The following MAGI3 variants were observed in gnomAD, a reference collection of about 807,000 sequenced individuals.
MAGI3 encodes the protein membrane associated guanylate kinase, WW and PDZ domain containing 3, also known as membrane-associated guanylate kinase, WW and PDZ domain-containing protein 3.
Under a neutral mutation model 121.8 loss-of-function variants are expected in MAGI3, and 43 were observed. The ratio of observed to expected loss-of-function variants is 0.35; its 90% CI spans 0.28 to 0.46. The LOEUF is 0.46. MAGI3 is among the 20% of genes least tolerant of loss of function. MAGI3 has a pLI of 1.00. For missense variants in MAGI3, 1,547 were observed against 1,797.3 expected, an observed-to-expected ratio of 0.86 and a Z score of 2.52; for synonymous variants, 553 against 639.3, an observed-to-expected ratio of 0.86 and a Z score of 2.04.
intron 1 of MAGI3, among the ~76,000 whole-genome samples, chr1:113,547,182 A>G (rs1361513501): frequency 6.6e-6 from 1 of 151,742 alleles, no homozygotes; most frequent in Non-Finnish European, 1.5e-5. Flanking sequence ...TTTGTCCTTA[A>G]TTATATCTAA....
chr1:113,601,352 A>G (rs1166407589), intron 6 of MAGI3, among the ~76,000 whole-genome samples: 1 of 150,830 alleles, frequency 6.6e-6, no homozygotes, highest in Admixed American at 6.7e-5. Flanking sequence ...CACAATCTAC[A>G]ATGAACTCCA....
chr1:113,653,637 T>C (rs1431705800), intron 14 of MAGI3, among the ~76,000 whole-genome samples, 193 bp from the exon 15 acceptor site: 1 of 152,106 alleles, frequency 6.6e-6, no homozygotes, highest in East Asian at 1.9e-4. Context: ...TCTGAGTATT[T>C]GGGAAGTCGG....
chr1:113,592,120 ACAAT>A (rs1239810729), intron 5 of MAGI3, among the ~76,000 whole-genome samples: 7 of 152,162 alleles, frequency 4.6e-5, no homozygotes, highest in Non-Finnish European at 1.0e-4. Context: ...AGCAAAGCAA[ACAAT>A]CAACAGAGTG....
intron 1 of MAGI3, among the ~76,000 whole-genome samples, chr1:113,416,259 T>C (rs1211899218): frequency 7.3e-6 from 1 of 137,022 alleles, no homozygotes; most frequent in African/African-American, 2.6e-5. Flanking sequence ...TAATTACACA[T>C]ATTAATTATG....
At chr1:113,577,223 A>C (rs1244106666) in intron 2 of MAGI3, among the ~76,000 whole-genome samples, 1 of 152,126 alleles carries the variant, frequency 6.6e-6, no homozygotes, top group Non-Finnish European at 1.5e-5. Flanking sequence ...ACTAAACAGA[A>C]AGGGTAAATG....
intron 1 of MAGI3, among the ~76,000 whole-genome samples, chr1:113,475,516 T>C (rs1261490962): frequency 6.6e-6 from 1 of 152,238 alleles, no homozygotes; most frequent in Non-Finnish European, 1.5e-5. Context: ...TTGGTTCTGT[T>C]TATGTGATGG....
chr1:113,590,197 G>A (rs1275152600), intron 4 of MAGI3, among the ~76,000 whole-genome samples: 3 of 152,106 alleles, frequency 2.0e-5, no homozygotes, highest in Non-Finnish European at 4.4e-5. Context: ...TAGTGCTGCT[G>A]TAGCTGCTGT....
chr1:113,414,958 A>G (rs947249084), intron 1 of MAGI3, among the ~76,000 whole-genome samples: 1 of 152,032 alleles, frequency 6.6e-6, no homozygotes, highest in African/African-American at 2.4e-5. Context: ...ACTAATTCCA[A>G]TTATTATGTG....
intron 1 of MAGI3, among the ~76,000 whole-genome samples, chr1:113,496,529 A>G (rs1413582173): frequency 1.3e-5 from 2 of 152,216 alleles, no homozygotes; most frequent in African/African-American, 4.8e-5. Flanking sequence ...AGAATTTCAC[A>G]AAAGGAGCAA....
At chr1:113,627,931 T>C (rs1186858337) in intron 9 of MAGI3, among the ~76,000 whole-genome samples, 1 of 152,104 alleles carries the variant, frequency 6.6e-6, no homozygotes, top group African/African-American at 2.4e-5. Flanking sequence ...CATATGTTTC[T>C]TCTAGGCAAT....
chr1:113,677,345 AGGT>A (rs1415978233), intron 19 of MAGI3, among the ~76,000 whole-genome samples: 2 of 152,260 alleles, frequency 1.3e-5, no homozygotes, highest in Non-Finnish European at 2.9e-5. Flanking sequence ...ACTCTGAGAT[AGGT>A]GACATTATCC....
chr1:113,672,626 A>C lies in MAGI3; in HGVS notation c.2930A>C (p.Glu977Ala). 1 of 1,613,576 alleles carries C rather than the reference A, an allele frequency of 6.2e-7. No homozygotes were observed. The highest frequency in any genetic ancestry group is 8.5e-7 in the Non-Finnish European group (1 of 1,179,772). ...NHIPGDRSAL[E>A]GEIGKDVSTS... Reference sequence around the variant, plus strand: ...TCTCTCTCTTGTAGAAGTGCCCTAGAAGGTGAAATTGGAAAAGATGTCTCC... The same window carrying C: ...TCTCTCTCTTGTAGAAGTGCCCTAGCAGGTGAAATTGGAAAAGATGTCTCC... The change falls in exon 18 of 21, where the codon GAA becomes GCA. Residue 977 changes from glutamate (E) to alanine (A), a missense_variant. Physicochemically the swap from Glu to Ala is moderately radical, Grantham distance 107. Transcript: ENST00000307546.
chr1:113,673,196 C>A, intron 18 of MAGI3, 126 bp from the exon 19 acceptor site: 1 of 1,162,852 alleles, frequency 8.6e-7, no homozygotes. Flanking sequence ...TACATTCCTT[C>A]TTTACAATAT....
At chr1:113,551,064 T>C (rs1051378868) in intron 2 of MAGI3, among the ~76,000 whole-genome samples, 1 of 152,076 alleles carries the variant, frequency 6.6e-6, no homozygotes, top group Admixed American at 6.5e-5. Context: ...CCCTTGACTA[T>C]GTAGTGGCAA....
At chr1:113,654,383 A>G (rs1324555744) in intron 15 of MAGI3, among the ~76,000 whole-genome samples, 4 of 152,220 alleles carry the variant, frequency 2.6e-5, no homozygotes, top group Non-Finnish European at 5.9e-5. Context: ...TGTAGAAAAT[A>G]GAGACTAGAA....
chr1:113,601,015 A>G (rs1222855010), intron 6 of MAGI3, among the ~76,000 whole-genome samples: 1 of 152,220 alleles, frequency 6.6e-6, no homozygotes, highest in East Asian at 1.9e-4. Flanking sequence ...CTGGCTAGCC[A>G]TATGTAGAAA....
At chr1:113,507,678 C>T (rs1398219155) in intron 1 of MAGI3, among the ~76,000 whole-genome samples, 1 of 152,134 alleles carries the variant, frequency 6.6e-6, no homozygotes, top group African/African-American at 2.4e-5. Context: ...ATTGTATTAC[C>T]TTATCTTTGT....
intron 2 of MAGI3, among the ~76,000 whole-genome samples, chr1:113,563,576 A>G (rs920041978): frequency 2.0e-5 from 3 of 152,182 alleles, no homozygotes; most frequent in East Asian, 1.9e-4. Context: ...CAGCAAGTTC[A>G]GCAACACCCT....
intron 1 of MAGI3, among the ~76,000 whole-genome samples, chr1:113,532,667 A>C (rs566497210): frequency 6.6e-6 from 1 of 152,288 alleles, no homozygotes; most frequent in East Asian, 1.9e-4. Context: ...AATAGCAACA[A>C]AAGTGTATTT....
Sources: allele counts gnomAD v4.1 joint callset (sites outside exome capture counted in the v4.1 genomes callset), GRCh38; gene constraint gnomAD v4.1.1; transcripts MANE v1.5; gene names NCBI Gene and HGNC (gene_info 2026-07-23, HGNC 2026-07-21).